RFC3: variants seen among roughly 807,000 people sequenced by gnomAD.
RFC3 encodes the protein replication factor C subunit 3.
A neutral mutation model predicts 45.1 loss-of-function variants in RFC3; 41 were observed. That is an observed-to-expected ratio of 0.91 (90% CI 0.71 to 1.18). RFC3 has a LOEUF of 1.18. RFC3 is among the 50% of genes most tolerant of loss of function. The probability of loss-of-function intolerance (pLI) is 0.00; values close to 1 mark genes in which losing one functional copy is unlikely to be tolerated. For missense variants in RFC3, 423 were observed against 428.1 expected, an observed-to-expected ratio of 0.99 and a Z score of 0.10; for synonymous variants, 149 against 144.0, an observed-to-expected ratio of 1.03 and a Z score of -0.25.
chr13:33,915,540 G>A (rs2082727653), intron 8 of RFC3, among the ~76,000 whole-genome samples: 1 of 152,028 alleles, frequency 6.6e-6, no homozygotes, highest in Non-Finnish European at 1.5e-5. Flanking sequence ...CCGTCCTTGG[G>A]GGTAGATTTC....
chr13:33,959,613 T>C (rs1305203942), intron 8 of RFC3, among the ~76,000 whole-genome samples: 2 of 152,100 alleles, frequency 1.3e-5, no homozygotes, highest in African/African-American at 4.8e-5. Flanking sequence ...TCAGGCCCAG[T>C]TGTACTTATT....
chr13:33,924,503 T>C (rs1274948376), intron 8 of RFC3, among the ~76,000 whole-genome samples: 1 of 151,752 alleles, frequency 6.6e-6, no homozygotes, highest in African/African-American at 2.4e-5. Context: ...TTGTAATAGG[T>C]ATGGTATAGC....
intron 8 of RFC3, among the ~76,000 whole-genome samples, chr13:33,908,167 GA>G (rs148355172): frequency 9.2e-5 from 14 of 151,362 alleles, no homozygotes; most frequent in Non-Finnish European, 1.5e-4. Context: ...GCATTTATCT[GA>G]AAAAAAACAC....
chr13:33,878,373 G>C (rs1264833222), intron 8 of RFC3, among the ~76,000 whole-genome samples: 1 of 152,170 alleles, frequency 6.6e-6, no homozygotes, highest in Non-Finnish European at 1.5e-5. Flanking sequence ...TTGGAAATGA[G>C]CTCTGGAAAT....
At chr13:33,834,298 G>GTGTATATATATATATATATATATA (rs1302839326) in intron 7 of RFC3, among the ~76,000 whole-genome samples, 2 of 109,216 alleles carry the variant, frequency 1.8e-5, no homozygotes, top group African/African-American at 8.3e-5. Context: ...TGTACTGTGT[G>GTGTATATATATATATATATATATA]TATATATATA....
At chr13:33,895,631 T>A (rs1164607438) in intron 8 of RFC3, among the ~76,000 whole-genome samples, 1 of 152,212 alleles carries the variant, frequency 6.6e-6, no homozygotes, top group East Asian at 1.9e-4. Flanking sequence ...AGATCTACCA[T>A]TTGATCCAGG....
intron 8 of RFC3, among the ~76,000 whole-genome samples, chr13:33,959,714 C>T (rs761299784): frequency 1.3e-5 from 2 of 152,188 alleles, no homozygotes; most frequent in Non-Finnish European, 2.9e-5. Flanking sequence ...CCTGCCCCTT[C>T]CTCTACCACC....
At chr13:33,911,577 C>G (rs1338980501) in intron 8 of RFC3, among the ~76,000 whole-genome samples, 1 of 152,030 alleles carries the variant, frequency 6.6e-6, no homozygotes. Flanking sequence ...GCACTGGCAC[C>G]TGATCAGCTT....
chr13:33,906,119 T>G (rs1243316061), intron 8 of RFC3, among the ~76,000 whole-genome samples: 1 of 152,122 alleles, frequency 6.6e-6, no homozygotes, highest in South Asian at 2.1e-4. Context: ...TGATTCTGTT[T>G]GTGTAAGTGT....
In RFC3 at chr13:33,892,830, G is replaced by A. The variant is rs111771483; in HGVS notation, c.879+57613G>A. On this transcript the variant is annotated intron_variant, in intron 8 of 8. Coordinates refer to the RFC3 transcript ENST00000434425. Reference sequence around the variant, plus strand: ...ACAGTCCCTGGGGCCACAGAGAAATGAAAAATCTCTGAGAAGGCTGTAAGG... The same window carrying A: ...ACAGTCCCTGGGGCCACAGAGAAATAAAAAATCTCTGAGAAGGCTGTAAGG... Among the ~76,000 whole-genome samples, 1,512 of 152,226 alleles carry A rather than the reference G, an allele frequency of 9.9e-3. 21 individuals are homozygous for A. Among genetic ancestry groups the A allele is most frequent in the East Asian group, 0.034 (178 of 5,176 alleles).
At chr13:33,854,742 T>TA (rs1267673538) in intron 8 of RFC3, among the ~76,000 whole-genome samples, 2 of 152,088 alleles carry the variant, frequency 1.3e-5, no homozygotes, top group Non-Finnish European at 2.9e-5. Flanking sequence ...AAAATGGAAA[T>TA]AGAGGTTCTG....
chr13:33,910,661 C>G (rs141994265), intron 8 of RFC3, among the ~76,000 whole-genome samples: 1 of 152,048 alleles, frequency 6.6e-6, no homozygotes, highest in Non-Finnish European at 1.5e-5. Context: ...CACTTAAAAA[C>G]GCAATAGGCT....
Position 33,902,812 on chromosome 13 carries a change from C to G in RFC3, c.880-63275C>G, listed in dbSNP as rs73172056. On this transcript the variant is annotated intron_variant, in intron 8 of 8. Transcript: ENST00000434425. Reference sequence around the variant, plus strand: ...GAGGTAAATTAGATCCTGTCATTCCCTTGCTCCAGGGGTGTCCAGTGTTTT... The same window carrying G: ...GAGGTAAATTAGATCCTGTCATTCCGTTGCTCCAGGGGTGTCCAGTGTTTT... Among the ~76,000 whole-genome samples, 963 of 152,092 alleles carry G rather than the reference C, an allele frequency of 6.3e-3. 9 individuals are homozygous for G. Among genetic ancestry groups the G allele is most frequent in the Non-Finnish European group, 9.6e-3 (650 of 67,950 alleles).
chr13:33,901,289 T>A (rs190631571), intron 8 of RFC3, among the ~76,000 whole-genome samples: 135 of 152,098 alleles, frequency 8.9e-4, no homozygotes, highest in African/African-American at 3.0e-3. Context: ...GGAATCAACC[T>A]AAGTGCCCAT....
the RFC3 span, among the ~76,000 whole-genome samples, chr13:33,973,803 A>G: frequency 2.6e-5 from 4 of 152,006 alleles, no homozygotes; most frequent in Non-Finnish European, 5.9e-5. Flanking sequence ...GGAATGCACC[A>G]TCACGCCTGG....
chr13:33,918,900 A>T (rs1308763573), intron 8 of RFC3, among the ~76,000 whole-genome samples: 1 of 152,180 alleles, frequency 6.6e-6, no homozygotes, highest in Admixed American at 6.5e-5. Context: ...TCATCATGAA[A>T]TGGTGACAGC....
intron 8 of RFC3, among the ~76,000 whole-genome samples, chr13:33,960,748 G>A (rs892599468): frequency 6.6e-6 from 1 of 152,096 alleles, no homozygotes; most frequent in African/African-American, 2.4e-5. Flanking sequence ...TCTCACCTAG[G>A]GCACCCCAGC....
chr13:33,838,015 T>A (rs1178164411), downstream of RFC3, among the ~76,000 whole-genome samples: 1 of 152,080 alleles, frequency 6.6e-6, no homozygotes, highest in Non-Finnish European at 1.5e-5. Context: ...CCAAATATAT[T>A]TTTACACCTC....
chr13:33,892,444 G>A (rs563390932), intron 8 of RFC3, among the ~76,000 whole-genome samples: 13 of 152,152 alleles, frequency 8.5e-5, no homozygotes, highest in Non-Finnish European at 1.6e-4. Context: ...AAATAAAACT[G>A]TAAGCATTCC....
Sources: allele counts gnomAD v4.1 joint callset (sites outside exome capture counted in the v4.1 genomes callset), GRCh38; gene constraint gnomAD v4.1.1; transcripts MANE v1.5; gene names NCBI Gene and HGNC (gene_info 2026-07-23, HGNC 2026-07-21).